Variants in MARCHF1 observed in about 807,000 individuals in gnomAD.
MARCHF1 encodes membrane associated ring-CH-type finger 1.
In MARCHF1, 40 loss-of-function variants were observed where a neutral mutation model predicts 54.2. The observed-to-expected ratio is 0.74, with a 90% CI of 0.57 to 0.96. The LOEUF (loss-of-function observed/expected upper bound fraction) is 0.96, where lower values mean the gene tolerates loss of function less well. Ranked by LOEUF, MARCHF1 falls within the 40% of genes least tolerant of loss-of-function variation. The probability of loss-of-function intolerance (pLI) is 0.00; values close to 1 mark genes in which losing one functional copy is unlikely to be tolerated. For missense variants in MARCHF1, 586 were observed against 656.5 expected (o/e 0.89, Z 1.17); for synonymous variants, 236 against 236.3 (o/e 1.00, Z 0.01).
At chr4:163,675,135 T>C (rs1743870543) in intron 5 of MARCHF1, among the ~76,000 whole-genome samples, 1 of 152,144 alleles carries the variant, frequency 6.6e-6, no homozygotes, top group Non-Finnish European at 1.5e-5. Flanking sequence ...ATGAGAATAT[T>C]CCAAATGCAT....
chr4:164,332,782 G>C (rs1729590336), intron 1 of MARCHF1, among the ~76,000 whole-genome samples: 1 of 151,968 alleles, frequency 6.6e-6, no homozygotes, highest in Non-Finnish European at 1.5e-5. Flanking sequence ...ATAATTGTGG[G>C]TGAAAAGTTC....
At chr4:164,207,588 G>T (rs80245329) in intron 1 of MARCHF1, among the ~76,000 whole-genome samples, 9 of 152,158 alleles carry the variant, frequency 5.9e-5, no homozygotes, top group Admixed American at 3.3e-4. Context: ...GTGCTGGGGG[G>T]ACTGAGGTGA....
At chr4:163,890,971 C>T (rs1363778504) in intron 3 of MARCHF1, among the ~76,000 whole-genome samples, 3 of 151,830 alleles carry the variant, frequency 2.0e-5, no homozygotes, top group Non-Finnish European at 2.9e-5. Flanking sequence ...CCAGGATAGT[C>T]GGAAATATAC....
chr4:163,577,527 T>G (rs949736207), intron 8 of MARCHF1, among the ~76,000 whole-genome samples: 7 of 152,092 alleles, frequency 4.6e-5, no homozygotes, highest in African/African-American at 1.7e-4. Context: ...AAATTTCATG[T>G]TGACTTTGGA....
At chr4:164,316,035 T>C (rs987224847) in intron 1 of MARCHF1, among the ~76,000 whole-genome samples, 4 of 152,114 alleles carry the variant, frequency 2.6e-5, no homozygotes, top group African/African-American at 9.7e-5. Flanking sequence ...AAACTGGAAG[T>C]GATAATGAAT....
At chr4:163,984,125 C>G (rs929458031) in intron 3 of MARCHF1, among the ~76,000 whole-genome samples, 1 of 151,872 alleles carries the variant, frequency 6.6e-6, no homozygotes, top group Non-Finnish European at 1.5e-5. Context: ...TCCCCAGTAA[C>G]AGATCTCCAG....
intron 3 of MARCHF1, among the ~76,000 whole-genome samples, chr4:163,972,506 G>A (rs1009211065): frequency 6.6e-6 from 1 of 152,006 alleles, no homozygotes; most frequent in African/African-American, 2.4e-5. Context: ...TATATGCAAG[G>A]TATATTTGTT....
chr4:163,723,044 T>C (rs988963653), intron 4 of MARCHF1, among the ~76,000 whole-genome samples: 1 of 152,222 alleles, frequency 6.6e-6, no homozygotes, highest in South Asian at 2.1e-4. Flanking sequence ...AATATTGTTA[T>C]GTGTGAATTT....
intron 3 of MARCHF1, among the ~76,000 whole-genome samples, chr4:163,895,111 G>T (rs984769096): frequency 3.9e-5 from 6 of 152,064 alleles, no homozygotes; most frequent in African/African-American, 1.2e-4. Context: ...ATATATATAC[G>T]CATGAGTCGA....
chr4:164,015,916 T>C (rs1258047360), intron 2 of MARCHF1, among the ~76,000 whole-genome samples: 1 of 146,110 alleles, frequency 6.8e-6, no homozygotes, highest in Non-Finnish European at 1.5e-5. Context: ...AAAAAAAAAC[T>C]AAAAACAGAA....
intron 1 of MARCHF1, among the ~76,000 whole-genome samples, chr4:164,174,278 T>C (rs1358597801): frequency 6.6e-6 from 1 of 152,210 alleles, no homozygotes; most frequent in African/African-American, 2.4e-5. Flanking sequence ...GGTTGCCAAT[T>C]ACACAAGTAA....
intron 2 of MARCHF1, among the ~76,000 whole-genome samples, chr4:164,043,274 T>A (rs939693541): frequency 1.3e-5 from 2 of 152,202 alleles, no homozygotes; most frequent in African/African-American, 4.8e-5. Context: ...TGCCTGGACA[T>A]CCAGGCATTT....
At chr4:163,530,057 C>T (rs934873649) in intron 9 of MARCHF1, 1 of 151,962 alleles carries the variant, frequency 6.6e-6, no homozygotes, top group South Asian at 2.1e-4. Context: ...TTTTTATTTA[C>T]TTACAACAGT....
chr4:164,201,246 A>T (rs1316000122), intron 1 of MARCHF1, among the ~76,000 whole-genome samples: 1 of 151,686 alleles, frequency 6.6e-6, no homozygotes, highest in African/African-American at 2.4e-5. Flanking sequence ...TTTGGGATGG[A>T]GTCTCGCTCT....
Position 164,179,997 on chromosome 4 carries a change from T to C in MARCHF1, c.-322-68335A>G, listed in dbSNP as rs1040214935. ...GGTAAAACTTCTGATGTTGGACATT[T>C]GGGTTCATTCACCACTGACTCTGTA... On this transcript the variant is annotated intron_variant, in intron 1 of 9. Transcript: ENST00000514618. Among the ~76,000 whole-genome samples, 18 of 150,012 alleles carry C rather than the reference T, an allele frequency of 1.2e-4. 1 individual carries two copies. The highest frequency in any genetic ancestry group is 4.4e-5 in the Non-Finnish European group (3 of 67,608).
chr4:164,116,886 A>G (rs763592382), intron 1 of MARCHF1, among the ~76,000 whole-genome samples: 4 of 152,148 alleles, frequency 2.6e-5, no homozygotes, highest in Non-Finnish European at 5.9e-5. Flanking sequence ...GACATAATTG[A>G]CTATGAATTC....
At chr4:163,956,492 A>T (rs547820818) in intron 3 of MARCHF1, among the ~76,000 whole-genome samples, 1 of 152,234 alleles carries the variant, frequency 6.6e-6, no homozygotes, top group African/African-American at 2.4e-5. Flanking sequence ...TTAGCCCACT[A>T]GTTAATTAGT....
At chr4:163,674,151 ATAGT>A (rs1183676165) in intron 5 of MARCHF1, among the ~76,000 whole-genome samples, 1 of 152,154 alleles carries the variant, frequency 6.6e-6, no homozygotes, top group African/African-American at 2.4e-5. Context: ...CACCTGGAAG[ATAGT>A]TATTTATGAA....
intron 1 of MARCHF1, among the ~76,000 whole-genome samples, chr4:164,236,472 C>A (rs1324127209): frequency 1.3e-5 from 2 of 151,942 alleles, no homozygotes; most frequent in Admixed American, 6.6e-5. Context: ...TACGATGGGG[C>A]CATTTTAAAC....
Sources: gnomAD v4.1 joint callset for allele counts (sites outside exome capture counted in the v4.1 genomes callset) on GRCh38, gnomAD v4.1.1 for gene constraint, MANE v1.5 for transcripts, NCBI Gene and HGNC (gene_info 2026-07-23, HGNC 2026-07-21) for gene names.